Variants in ASB11 observed in about 807,000 individuals in gnomAD.
ASB11 encodes the protein ankyrin repeat and SOCS box containing 11.
Under a neutral mutation model 20.1 loss-of-function variants are expected in ASB11, and 17 were observed. The ratio of observed to expected loss-of-function variants is 0.85; its 90% CI spans 0.58 to 1.27. ASB11 has a LOEUF of 1.27. Among genes scored for constraint, ASB11 ranks in the 50% most tolerant of loss-of-function variants. The pLI, the probability that ASB11 is intolerant of heterozygous loss-of-function variation, is 0.00. For missense variants in ASB11, 259 were observed against 256.9 expected, an observed-to-expected ratio of 1.01 and a Z score of -0.06; for synonymous variants, 107 against 105.6, an observed-to-expected ratio of 1.01 and a Z score of -0.08.
Position 15,315,487 on chromosome X carries a change from A to G in ASB11, c.119T>C (p.Ile40Thr), listed in dbSNP as rs1377922574. The change falls in exon 1 of 7, where the codon ATC (isoleucine) becomes ACC (threonine). Residue 40 changes from isoleucine to threonine, a missense_variant. By Grantham distance (89) the Ile-to-Thr change is moderately conservative. Transcript: ENST00000480796. ...VFLALLTHFY[I>T]VKGNRKEAAR... ...CGCTTCTTTTCTATTTCCTTTGACG[A>G]TATAGAAATGGGTTAGGAGAGCCAA... The G allele has an allele frequency of 3.4e-6, 4 of 1,186,017 alleles. 1 individual carries two copies. In the South Asian group the frequency reaches 7.8e-5, roughly 23 times the overall value.
Position 15,282,532 on chromosome X carries a change from C to G in ASB11, c.*973G>C, listed in dbSNP as rs1927211231. 2 of 111,720 alleles carry G rather than the reference C, an allele frequency of 1.8e-5. No homozygotes were observed. Among genetic ancestry groups the G allele is most frequent in the Non-Finnish European group, 3.8e-5 (2 of 53,204 alleles). The allele number at this position is 111,720 out of a possible 1,213,427, so 9.2% of individuals were successfully genotyped here. A position where few individuals can be genotyped will look rare whatever the true frequency, so the allele number is the denominator to read the frequency against. Reference sequence around the variant, plus strand: ...ATGTAATTATTTCAAAAACCCTGAGCATCTTGACTTTGAAAATAAGCCAGT... The same window carrying G: ...ATGTAATTATTTCAAAAACCCTGAGGATCTTGACTTTGAAAATAAGCCAGT... On this transcript the variant is annotated 3_prime_UTR_variant, in exon 7 of 7. Transcript: ENST00000480796.
chrX:15,301,108 G>A (rs1330734809), intron 2 of ASB11, among the ~76,000 whole-genome samples: 7 of 110,770 alleles, frequency 6.3e-5, no homozygotes, highest in Non-Finnish European at 1.1e-4. Flanking sequence ...GATTATAGGC[G>A]CCCACCACCA....
intron 1 of ASB11, 108 bp from the exon 2 acceptor site, chrX:15,302,915 GGAGGGAAGCAGGT>G: frequency 1.5e-6 from 1 of 676,044 alleles, no homozygotes; most frequent in Admixed American, 2.6e-5. Context: ...GGAGGGAAGA[GGAGGGAAGCAGGT>G]ATCACGCATC....
At chrX:15,300,332 C>T (rs1040286156) in intron 2 of ASB11, among the ~76,000 whole-genome samples, 11 of 111,965 alleles carry the variant, frequency 9.8e-5, no homozygotes, top group African/African-American at 3.2e-4. Context: ...AGCAGTGTAA[C>T]CAAGAGCTCC....
Position 15,283,716 on chromosome X carries a change from A to G in ASB11, c.848-87T>C, listed in dbSNP as rs112876369. 44 of 1,066,622 alleles carry G rather than the reference A, an allele frequency of 4.1e-5. 2 individuals carry two copies. The highest frequency in any genetic ancestry group is 3.0e-4 in the African/African-American group (16 of 53,960). The allele number at this position is 1,066,622 out of a possible 1,213,427, so 87.9% of individuals were successfully genotyped here. A position where few individuals can be genotyped will look rare whatever the true frequency, so the allele number is the denominator to read the frequency against. On this transcript the variant is annotated intron_variant, in intron 6 of 6. Coordinates refer to ENST00000480796, the MANE Select transcript of ASB11 (RefSeq NM_080873.3). ...AATCAGAGAACTGGAAGAGGCGGAA[A>G]TTTTCTAAAAGCAGAAGAGAAGCTG...
At chrX:15,314,477 A>G in intron 1 of ASB11, 2 of 1,201,910 alleles carry the variant, frequency 1.7e-6, no homozygotes, top group Non-Finnish European at 2.2e-6. Flanking sequence ...TCCCCAGTTA[A>G]TTGAAGCATT....
At position 15,283,498 on chromosome X, in the gene ASB11, C is replaced by G. The variant is rs199945565; in HGVS notation, c.*7G>C. On this transcript the variant is annotated 3_prime_UTR_variant, in exon 7 of 7. Coordinates refer to ENST00000480796, the MANE Select transcript of ASB11 (RefSeq NM_080873.3). ...CATTCCAAGTATCTTCCCAGGAACA[C>G]TTAGGACTATTGGTATAGGAGGAAT... is the stretch of plus-strand genomic sequence containing the variant. 9.1e-6 allele frequency: 11 copies of G among 1,208,810 alleles called. No homozygotes were observed. Among genetic ancestry groups the G allele is most frequent in the African/African-American group, 8.8e-5 (5 of 57,098 alleles).
In ASB11 at chrX:15,282,201, A is replaced by T. The variant is rs1467923198; in HGVS notation, c.*1304T>A. ...AAGGTCTAGAAAAATTGGGGGAAAAAAAAACATGTGTGAAATGAGTCTTAG... is the reference window on the plus strand; with the variant it reads ...AAGGTCTAGAAAAATTGGGGGAAAATAAAACATGTGTGAAATGAGTCTTAG... On this transcript the variant is annotated 3_prime_UTR_variant, in exon 7 of 7. Transcript: ENST00000480796. The T allele has an allele frequency of 3.6e-5, 4 of 111,570 alleles. No individual in the cohort carries two copies. Among genetic ancestry groups the T allele is most frequent in the Non-Finnish European group, 7.5e-5 (4 of 53,121 alleles). The allele number at this position is 111,570 out of a possible 1,213,427, so 9.2% of individuals were successfully genotyped here.
intron 1 of ASB11, among the ~76,000 whole-genome samples, chrX:15,310,447 G>A (rs1921395912): frequency 1.8e-5 from 2 of 111,743 alleles, no homozygotes; most frequent in Admixed American, 1.9e-4. Context: ...TGAGGTGTAC[G>A]GAAAATGTTC....
At chrX:15,303,194 C>T (rs938835271) in intron 1 of ASB11, among the ~76,000 whole-genome samples, 3 of 111,288 alleles carry the variant, frequency 2.7e-5, no homozygotes, top group Non-Finnish European at 3.8e-5. Flanking sequence ...CCACCTTCAT[C>T]CACACCCCAA....
intron 1 of ASB11, among the ~76,000 whole-genome samples, chrX:15,306,130 G>A (rs1318680359): frequency 1.8e-5 from 2 of 111,856 alleles, no homozygotes; most frequent in Non-Finnish European, 3.8e-5. Flanking sequence ...ACATAGTATT[G>A]CATAATGTAT....
At chrX:15,309,176 C>G (rs913485271) in intron 1 of ASB11, among the ~76,000 whole-genome samples, 3 of 111,002 alleles carry the variant, frequency 2.7e-5, no homozygotes, top group Non-Finnish European at 5.7e-5. Flanking sequence ...CTCGGCCTCC[C>G]AAAATGCTGG....
chrX:15,301,096 G>A (rs1394779513), intron 2 of ASB11, among the ~76,000 whole-genome samples: 1 of 110,881 alleles, frequency 9.0e-6, no homozygotes, highest in Admixed American at 9.7e-5. Context: ...CCAAGTAGCT[G>A]GGATTATAGG....
intron 1 of ASB11, among the ~76,000 whole-genome samples, chrX:15,306,190 G>A (rs1444884603): frequency 2.7e-5 from 3 of 112,047 alleles, no homozygotes; most frequent in Non-Finnish European, 5.6e-5. Context: ...CATTTGGGTT[G>A]AGTCCATGTC....
intron 2 of ASB11, among the ~76,000 whole-genome samples, chrX:15,299,192 A>T (rs1397511204): frequency 8.9e-6 from 1 of 112,652 alleles, no homozygotes; most frequent in East Asian, 2.8e-4. Context: ...TGAGCCAAAT[A>T]TAAGTGACCA....
At chrX:15,283,700 A>C in intron 6 of ASB11, 71 bp from the exon 7 acceptor site, 1 of 1,141,927 alleles carries the variant, frequency 8.8e-7, no homozygotes, top group Non-Finnish European at 1.2e-6. Flanking sequence ...AAATCAGAGA[A>C]CTGGAAGAGG....
chrX:15,283,316 G>C lies in ASB11; in HGVS notation c.*189C>G. 2.1e-6 allele frequency: 1 copy of C among 486,299 alleles called. No individual in the cohort carries two copies. Among genetic ancestry groups the C allele is most frequent in the Non-Finnish European group, 3.3e-6 (1 of 306,176 alleles). 40.1% of individuals were successfully genotyped at this position (486,299 alleles called of 1,213,427 possible). Reference sequence around the variant, plus strand: ...CTAAATGGTTTCTACTTGCCCCTTGGTTAATGAGAACATTAAACTAACCAG... The same window carrying C: ...CTAAATGGTTTCTACTTGCCCCTTGCTTAATGAGAACATTAAACTAACCAG... On this transcript the variant is annotated 3_prime_UTR_variant, in exon 7 of 7. Transcript: ENST00000480796.
At chrX:15,301,514 C>G (rs1279808791) in intron 2 of ASB11, among the ~76,000 whole-genome samples, 6 of 108,581 alleles carry the variant, frequency 5.5e-5, no homozygotes, top group African/African-American at 2.1e-4. Flanking sequence ...CACACACAGA[C>G]AGAGAGAGAG....
chrX:15,288,788 G>C (rs969523239), intron 5 of ASB11, among the ~76,000 whole-genome samples: 3 of 110,518 alleles, frequency 2.7e-5, no homozygotes, highest in African/African-American at 9.9e-5. Flanking sequence ...CGGCGGCTAG[G>C]GCAGGAGAAT....
Sources: gnomAD v4.1 joint callset for allele counts (sites outside exome capture counted in the v4.1 genomes callset) on GRCh38, gnomAD v4.1.1 for gene constraint, MANE v1.5 for transcripts, NCBI Gene and HGNC (gene_info 2026-07-23, HGNC 2026-07-21) for gene names.